KLF3: variants seen among roughly 807,000 people sequenced by gnomAD.
KLF3 encodes the protein Krueppel-like factor 3.
A neutral mutation model predicts 32.7 loss-of-function variants in KLF3; 6 were observed. The ratio of observed to expected loss-of-function variants is 0.18; its 90% CI spans 0.10 to 0.36. KLF3 has a LOEUF of 0.36. Ranked by LOEUF, KLF3 falls within the 10% of genes least tolerant of loss-of-function variation. The pLI, the probability that KLF3 is intolerant of heterozygous loss-of-function variation, is 1.00. For synonymous variants in KLF3, 145 were observed against 172.8 expected, an observed-to-expected ratio of 0.84 and a Z score of 1.26; for missense variants, 338 against 449.7, an observed-to-expected ratio of 0.75 and a Z score of 2.25.
rs752617126 is a variant in KLF3 at position 38,698,428 on chromosome 4, C to T, written c.*1165C>T. 6.6e-6 allele frequency: 1 copy of T among 152,598 alleles called. No individual in the cohort carries two copies. The highest frequency in any genetic ancestry group is 6.5e-5 in the Admixed American group (1 of 15,278). 9.5% of individuals were successfully genotyped at this position (152,598 alleles called of 1,614,324 possible). ...AATTGGCTGTCATTTGTATTCATGA[C>T]ACATACCATAAAGCATCTGCTAATG... is the stretch of plus-strand genomic sequence containing the variant. On this transcript the variant is annotated 3_prime_UTR_variant, in exon 6 of 6. Transcript: ENST00000261438.
chr4:38,667,211 C>T (rs1210500582), intron 1 of KLF3, among the ~76,000 whole-genome samples: 3 of 152,254 alleles, frequency 2.0e-5, no homozygotes, highest in Non-Finnish European at 4.4e-5. Flanking sequence ...CAGGGAGGGC[C>T]GGCTAAATGT....
rs925333384 is a variant in KLF3 at position 38,701,352 on chromosome 4, AC to A, written c.*4093del. 8.0e-5 allele frequency among the ~76,000 whole-genome samples: 12 copies of A among 150,578 alleles called. No homozygotes were observed. The highest frequency in any genetic ancestry group is 2.9e-4 in the African/African-American group (12 of 41,342). Reference sequence around the variant, plus strand: ...TACTTCTTGTATTTGTTATTTATGAACCCCTGCCTGCTTCCAAAAAGAACTT... The same window carrying A: ...TACTTCTTGTATTTGTTATTTATGAACCCTGCCTGCTTCCAAAAAGAACTT... On this transcript the variant is annotated 3_prime_UTR_variant, in exon 6 of 6. Transcript: ENST00000261438.
chr4:38,696,620 A>C (rs933474861), intron 5 of KLF3, among the ~76,000 whole-genome samples: 1 of 152,248 alleles, frequency 6.6e-6, no homozygotes, highest in African/African-American at 2.4e-5. Context: ...GTTAATCCCT[A>C]ACAGATACTT....
chr4:38,694,978 G>C (rs377594711), intron 5 of KLF3, 72 bp downstream of exon 5: 14 of 1,468,912 alleles, frequency 9.5e-6, no homozygotes, highest in African/African-American at 5.9e-5. Context: ...AGGTTGTTAC[G>C]ATCAAAGTTT....
rs547427427 is a variant in KLF3 at position 38,696,203 on chromosome 4, A to C, written c.857-879A>C. On this transcript the variant is annotated intron_variant, in intron 5 of 5. Transcript: ENST00000261438. Reference sequence around the variant, plus strand: ...AGATGTAGGAAAAAAAAAAAAAAAAAAAAAACGCCTCTTTGTGTGTGTATT... The same window carrying C: ...AGATGTAGGAAAAAAAAAAAAAAAACAAAAACGCCTCTTTGTGTGTGTATT... Among the ~76,000 whole-genome samples the C allele has an allele frequency of 1.2e-3, 186 of 151,920 alleles. 1 individual carries two copies. The highest frequency in any genetic ancestry group is 4.1e-3 in the African/African-American group (172 of 41,472).
At chr4:38,670,457 G>A (rs182428005) in intron 1 of KLF3, among the ~76,000 whole-genome samples, 94 of 152,280 alleles carry the variant, frequency 6.2e-4, no homozygotes, top group Admixed American at 5.5e-3. Flanking sequence ...CCTGGAGAGC[G>A]ACCTGCAAAT....
At chr4:38,685,967 CTATT>C (rs1278442810) in intron 2 of KLF3, among the ~76,000 whole-genome samples, 1 of 152,104 alleles carries the variant, frequency 6.6e-6, no homozygotes, top group Middle Eastern at 3.2e-3. Context: ...AAATTTAAAT[CTATT>C]TAATACTTAA....
At position 38,694,807 on chromosome 4, in the gene KLF3, A is replaced by G. The variant is rs2109257242; in HGVS notation, c.757A>G (p.Thr253Ala). The G allele has an allele frequency of 6.2e-7, 1 of 1,606,248 alleles. No homozygotes were observed. The highest frequency in any genetic ancestry group is 2.3e-5 in the East Asian group (1 of 44,414). Reference protein sequence around the residue: ...KRPLPVESPDTQRKRRIHRCD... With the variant: ...KRPLPVESPDAQRKRRIHRCD... ...ACCTTTACCTGTGGAATCCCCGGAT[A>G]CTCAAAGGAAGCGGAGGATACACAG... is the stretch of plus-strand genomic sequence containing the variant. Residue 253 changes from threonine to alanine, a missense_variant, in exon 5 of 6, where the codon ACT becomes GCT. Transcript: ENST00000261438.
chr4:38,687,364 C>T (rs1012875993), intron 2 of KLF3, among the ~76,000 whole-genome samples: 6 of 152,098 alleles, frequency 3.9e-5, no homozygotes, highest in Admixed American at 3.3e-4. Flanking sequence ...AGAAAATTTA[C>T]AACAAAATGT....
chr4:38,693,375 G>T (rs1579132743), intron 4 of KLF3, among the ~76,000 whole-genome samples: 1 of 150,250 alleles, frequency 6.7e-6, no homozygotes. Context: ...TGAGAAGTAA[G>T]GTCACTTAAG....
At chr4:38,695,228 G>T (rs1723013417) in intron 5 of KLF3, among the ~76,000 whole-genome samples, 1 of 152,212 alleles carries the variant, frequency 6.6e-6, no homozygotes, top group Non-Finnish European at 1.5e-5. Flanking sequence ...CAAGGATGTG[G>T]CCTTCCTGTG....
intron 3 of KLF3, 104 bp downstream of exon 3, chr4:38,689,175 T>G (rs1560418926): frequency 1.4e-6 from 2 of 1,387,358 alleles, no homozygotes. Flanking sequence ...GTTGAACTCT[T>G]CAAAGGAAAT....
chr4:38,670,750 A>T (rs1352367619), intron 1 of KLF3, among the ~76,000 whole-genome samples: 2 of 152,254 alleles, frequency 1.3e-5, no homozygotes, highest in African/African-American at 4.8e-5. Context: ...GCCGCTGGAC[A>T]GAGTTTCCAT....
rs991829814 is a variant in KLF3 at position 38,688,410 on chromosome 4, T to A, written c.58-175T>A. 6.6e-5 allele frequency among the ~76,000 whole-genome samples: 10 copies of A among 152,240 alleles called. No homozygotes were observed. Among genetic ancestry groups the A allele is most frequent in the African/African-American group, 2.2e-4 (9 of 41,450 alleles). On this transcript the variant is annotated intron_variant, in intron 2 of 5. Transcript: ENST00000261438. This position sits in a 1 kb window ranked among gnomAD's most constrained non-coding sequence, Gnocchi z 4.9. ...AGACCGCCTCTCATAGCATTTTTAA[T>A]GTTGAGACCACCTCTTTGAGCATTT...
intron 1 of KLF3, among the ~76,000 whole-genome samples, chr4:38,672,222 A>G (rs141416620): frequency 6.0e-4 from 91 of 152,270 alleles, no homozygotes; most frequent in African/African-American, 2.1e-3. Flanking sequence ...AACTCCTACT[A>G]TAAGCTAAGT....
chr4:38,698,748 T>C lies in KLF3; in HGVS notation c.*1485T>C, dbSNP rs1359408293. ...AAGCAGGCTTTTGAGCACCATAGTC[T>C]AAATGCCAATAAAAATAATTCATAC... On this transcript the variant is annotated 3_prime_UTR_variant, in exon 6 of 6. Transcript: ENST00000261438. The C allele has an allele frequency of 1.3e-5, 2 of 152,230 alleles. No individual in the cohort carries two copies. Among genetic ancestry groups the C allele is most frequent in the Non-Finnish European group, 2.9e-5 (2 of 68,030 alleles). 9.4% of individuals were successfully genotyped at this position (152,230 alleles called of 1,614,324 possible). A position where few individuals can be genotyped will look rare whatever the true frequency, so the allele number is the denominator to read the frequency against.
intron 1 of KLF3, among the ~76,000 whole-genome samples, chr4:38,667,476 A>T (rs1229154424): frequency 6.6e-6 from 1 of 152,240 alleles, no homozygotes; most frequent in Non-Finnish European, 1.5e-5. Context: ...ATGAGAAGTC[A>T]GTTAACCTTT....
At chr4:38,669,634 T>C (rs1482274380) in intron 1 of KLF3, among the ~76,000 whole-genome samples, 4 of 152,108 alleles carry the variant, frequency 2.6e-5, no homozygotes. Context: ...GGCTCACACC[T>C]GTAATTTCAG....
chr4:38,691,250 T>C (rs1722868972), intron 4 of KLF3, among the ~76,000 whole-genome samples: 1 of 152,274 alleles, frequency 6.6e-6, no homozygotes, highest in Non-Finnish European at 1.5e-5. Context: ...CTTGATCTCC[T>C]GCTTCCGAAT....
Sources: allele counts gnomAD v4.1 joint callset (sites outside exome capture counted in the v4.1 genomes callset), GRCh38; gene constraint gnomAD v4.1.1; non-coding constraint Gnocchi (gnomAD v3.1); transcripts MANE v1.5; gene names NCBI Gene and HGNC (gene_info 2026-07-23, HGNC 2026-07-21).